VEPH1: variants seen among roughly 807,000 people sequenced by gnomAD.
The protein encoded by VEPH1 is ventricular zone-expressed PH domain-containing protein homolog 1.
A neutral mutation model predicts 85.2 loss-of-function variants in VEPH1; 80 were observed. The observed-to-expected ratio is 0.94, with a 90% CI of 0.78 to 1.13. The LOEUF (loss-of-function observed/expected upper bound fraction) is 1.13, where lower values mean the gene tolerates loss of function less well. Ranked by LOEUF, VEPH1 falls within the 50% of genes most tolerant of loss-of-function variation. VEPH1 has a pLI of 0.00. For synonymous variants in VEPH1, 297 were observed against 348.0 expected (o/e 0.85, Z 1.63); for missense variants, 955 against 980.5 (o/e 0.97, Z 0.35).
At chr3:157,297,745 T>C (rs1222097757) in intron 11 of VEPH1, among the ~76,000 whole-genome samples, 1 of 151,568 alleles carries the variant, frequency 6.6e-6, no homozygotes, top group African/African-American at 2.4e-5. Context: ...AAGGAGGGAA[T>C]AATGACAAGC....
chr3:157,363,752 ACTTTTTGAC>A lies in VEPH1; in HGVS notation c.1338_1346del (p.Arg446_Lys448del). The A allele has an allele frequency of 6.2e-7, 1 of 1,611,034 alleles. No homozygotes were observed. On this transcript the variant is annotated inframe_deletion and splice_region_variant, in exon 9 of 14. Transcript: ENST00000362010. ...TTGTGAGCATAGTGTGGAAAGCCAA[ACTTTTTGAC>A]CTAGAGTTCAAACAAAGGGAAAGTT...
intron 9 of VEPH1, among the ~76,000 whole-genome samples, chr3:157,318,436 C>G (rs1247289304): frequency 6.6e-6 from 1 of 151,856 alleles, no homozygotes; most frequent in Admixed American, 6.6e-5. Context: ...GGTGAAACCC[C>G]TTCTCTACAA....
chr3:157,475,632 C>T (rs1307079641), intron 2 of VEPH1, among the ~76,000 whole-genome samples: 1 of 152,216 alleles, frequency 6.6e-6, no homozygotes, highest in Non-Finnish European at 1.5e-5. Flanking sequence ...ATCTTACACT[C>T]AGGTGACACT....
At chr3:157,401,217 G>A (rs1305598450) in intron 6 of VEPH1, among the ~76,000 whole-genome samples, 1 of 152,100 alleles carries the variant, frequency 6.6e-6, no homozygotes, top group African/African-American at 2.4e-5. Context: ...TTTGAAGAAT[G>A]ATGCCTATTA....
rs186287854 is a variant in VEPH1, at chr3:157,414,586, C to A, written c.697-496G>T. Among the ~76,000 whole-genome samples, 8 of 152,128 alleles carry A rather than the reference C, an allele frequency of 5.3e-5. No individual in the cohort carries two copies. In the East Asian group the frequency reaches 5.8e-4, roughly 11 times the overall value. ...ATTTTCTTCAATTTTCCATTTTGAT[C>A]ACAAAAATGTAATAATAAGATAAAA... On this transcript the variant is annotated intron_variant, in intron 5 of 13. Transcript: ENST00000362010.
chr3:157,261,707 A>G (rs1208617836), intron 13 of VEPH1, among the ~76,000 whole-genome samples: 1 of 152,184 alleles, frequency 6.6e-6, no homozygotes, highest in South Asian at 2.1e-4. Flanking sequence ...CTATTAACTT[A>G]TAACTTCAGG....
At chr3:157,378,897 A>G (rs1368727595) in intron 7 of VEPH1, among the ~76,000 whole-genome samples, 1 of 152,056 alleles carries the variant, frequency 6.6e-6, no homozygotes, top group African/African-American at 2.4e-5. Flanking sequence ...TCACTTCCTC[A>G]TAATTTTGTG....
At chr3:157,392,150 G>T (rs1473620746) in intron 6 of VEPH1, among the ~76,000 whole-genome samples, 2 of 152,128 alleles carry the variant, frequency 1.3e-5, no homozygotes, top group East Asian at 3.8e-4. Context: ...TAAGTACATA[G>T]CCTGCAACCA....
chr3:157,336,775 G>C (rs1723011701), intron 9 of VEPH1, among the ~76,000 whole-genome samples: 1 of 152,202 alleles, frequency 6.6e-6, no homozygotes, highest in African/African-American at 2.4e-5. Context: ...GGCAAAGTCT[G>C]ACTCACTGCT....
At chr3:157,442,157 C>T (rs553859416) in intron 4 of VEPH1, among the ~76,000 whole-genome samples, 62 of 152,228 alleles carry the variant, frequency 4.1e-4, no homozygotes, top group Admixed American at 2.2e-3. Flanking sequence ...CATTTAGATG[C>T]TTCATTGGAT....
intron 5 of VEPH1, among the ~76,000 whole-genome samples, chr3:157,417,577 T>A (rs1732019872): frequency 6.6e-6 from 1 of 152,216 alleles, no homozygotes; most frequent in Non-Finnish European, 1.5e-5. Flanking sequence ...GTATTCCAGA[T>A]TCCAGTGTCT....
rs553676852 is a variant in VEPH1 at position 157,436,698 on chromosome 3, G to T, written c.530-8210C>A. On this transcript the variant is annotated intron_variant, in intron 4 of 13. Transcript: ENST00000362010. ...GTAAACCTTTGCGGTTTAATATTGT[G>T]CAACTTCCACATTTCCCTCGCTCTC... 11 of 441,150 alleles carry T rather than the reference G, an allele frequency of 2.5e-5. No individual in the cohort carries two copies. In the South Asian group the frequency reaches 3.0e-4, roughly 12 times the overall value. The allele number at this position is 441,150 out of a possible 1,614,324, so 27.3% of individuals were successfully genotyped here.
At chr3:157,429,976 C>A (rs573457982) in intron 4 of VEPH1, among the ~76,000 whole-genome samples, 11 of 152,296 alleles carry the variant, frequency 7.2e-5, no homozygotes, top group Non-Finnish European at 1.3e-4. Flanking sequence ...GAATTTCAAT[C>A]AAATAATACA....
At chr3:157,388,886 C>G (rs953550332) in intron 6 of VEPH1, among the ~76,000 whole-genome samples, 2 of 152,062 alleles carry the variant, frequency 1.3e-5, no homozygotes, top group East Asian at 1.9e-4. Flanking sequence ...TTTGAGTATC[C>G]TTGGATTTTG....
At chr3:157,448,373 T>C (rs1273809923) in intron 4 of VEPH1, among the ~76,000 whole-genome samples, 1 of 152,212 alleles carries the variant, frequency 6.6e-6, no homozygotes, top group Non-Finnish European at 1.5e-5. Context: ...AAAAGGCATA[T>C]TGATGGTGAG....
chr3:157,492,803 T>C (rs1033396938), intron 2 of VEPH1, among the ~76,000 whole-genome samples: 5 of 151,980 alleles, frequency 3.3e-5, no homozygotes, highest in African/African-American at 1.2e-4. Context: ...CAGCAAACAA[T>C]AATAATAATA....
At chr3:157,415,741 A>AT (rs550402630) in intron 5 of VEPH1, among the ~76,000 whole-genome samples, 2 of 152,054 alleles carry the variant, frequency 1.3e-5, no homozygotes, top group East Asian at 1.9e-4. Flanking sequence ...ATTATGATGA[A>AT]TTTTTTTTAA....
intron 1 of VEPH1, among the ~76,000 whole-genome samples, chr3:157,497,875 A>T (rs542102741): frequency 6.6e-6 from 1 of 152,332 alleles, no homozygotes; most frequent in South Asian, 2.1e-4. Flanking sequence ...CCATACAGGA[A>T]AGCTTTCACA....
intron 2 of VEPH1, among the ~76,000 whole-genome samples, chr3:157,492,431 C>G (rs1228983708): frequency 6.6e-6 from 1 of 152,092 alleles, no homozygotes; most frequent in Admixed American, 6.6e-5. Flanking sequence ...ATTGAGTTTT[C>G]CAGATCTGAC....
Sources: gnomAD v4.1 joint callset for allele counts (sites outside exome capture counted in the v4.1 genomes callset) on GRCh38, gnomAD v4.1.1 for gene constraint, MANE v1.5 for transcripts, NCBI Gene and HGNC (gene_info 2026-07-23, HGNC 2026-07-21) for gene names.